The following LMO7 variants were observed in gnomAD, a reference collection of about 807,000 sequenced individuals.
The protein encoded by LMO7 is LIM domain only protein 7.
LMO7 carries 120 observed loss-of-function variants against 206.5 expected under a neutral mutation model. That is an observed-to-expected ratio of 0.58 (90% CI 0.50 to 0.68). LMO7 has a LOEUF of 0.68. LMO7 is among the 30% of genes least tolerant of loss of function. The pLI is 0.00. For missense variants in LMO7, 1,959 were observed against 1,957.9 expected, an observed-to-expected ratio of 1.00 and a Z score of -0.01; for synonymous variants, 706 against 681.5, an observed-to-expected ratio of 1.04 and a Z score of -0.56.
chr13:75,675,139 TG>T (rs2039902073), intron 1 of LMO7, among the ~76,000 whole-genome samples: 1 of 151,032 alleles, frequency 6.6e-6, no homozygotes, highest in Non-Finnish European at 1.5e-5. Context: ...TGCAGTGGCA[TG>T]ATCTTCACTC....
At position 75,841,687 on chromosome 13, in the gene LMO7, C is replaced by T. The variant is rs748246341; in HGVS notation, c.3735C>T (p.Ala1245=). The T allele has an allele frequency of 3.1e-6, 5 of 1,614,004 alleles. No individual in the cohort carries two copies. Among genetic ancestry groups the T allele is most frequent in the Non-Finnish European group, 4.2e-6 (5 of 1,180,018 alleles). The part of the protein sequence containing the change: ...MSLTTREPSL[A]TWEATWSEGS... ...TGACCACACGGGAGCCCTCTCTTGC[C>T]ACCTGGGAAGCTACCTGGAGTGAAG... The change falls in exon 24 of 31, where the codon GCC becomes GCT. Residue 1245 remains alanine, a synonymous_variant. Coordinates refer to ENST00000377534, the MANE Select transcript of LMO7 (RefSeq NM_001306080.2).
intron 4 of LMO7, among the ~76,000 whole-genome samples, chr13:75,789,243 T>A (rs2052904200): frequency 6.6e-6 from 1 of 152,182 alleles, no homozygotes; most frequent in Admixed American, 6.5e-5. Flanking sequence ...ATAACTGTAT[T>A]TGATCTTAAA....
intron 3 of LMO7, among the ~76,000 whole-genome samples, chr13:75,755,157 G>A (rs760625967): frequency 6.6e-6 from 1 of 152,082 alleles, no homozygotes; most frequent in Non-Finnish European, 1.5e-5. Context: ...GACCAAGGAG[G>A]TCTTTCAGAT....
chr13:75,805,853 CAGAGAA>C, intron 9 of LMO7, 93 bp downstream of exon 9: 1 of 1,321,910 alleles, frequency 7.6e-7, no homozygotes, highest in Non-Finnish European at 1.0e-6. Context: ...ATAAGAGAGA[CAGAGAA>C]AGTCTAATTA....
At chr13:75,851,506 C>T (rs2060502872) in intron 27 of LMO7, among the ~76,000 whole-genome samples, 1 of 152,176 alleles carries the variant, frequency 6.6e-6, no homozygotes, top group African/African-American at 2.4e-5. Context: ...CCCTCAGATG[C>T]CTTTCTCTGC....
chr13:75,780,240 G>A (rs371626534), intron 4 of LMO7, among the ~76,000 whole-genome samples: 1 of 152,128 alleles, frequency 6.6e-6, no homozygotes, highest in African/African-American at 2.4e-5. Context: ...TCGCCAGGCT[G>A]GAATTTCCCA....
intron 3 of LMO7, among the ~76,000 whole-genome samples, chr13:75,745,035 G>A (rs961383664): frequency 6.6e-6 from 1 of 152,174 alleles, no homozygotes. Context: ...AAAACAATGT[G>A]AATAAAGAAT....
chr13:75,713,143 C>A, intron 1 of LMO7, 39 bp from the exon 2 acceptor site: 1 of 1,494,522 alleles, frequency 6.7e-7, no homozygotes, highest in Non-Finnish European at 9.3e-7. Flanking sequence ...TGTGCTATCC[C>A]TGCTTAAGAG....
chr13:75,784,718 A>G (rs1307801319), intron 4 of LMO7, among the ~76,000 whole-genome samples: 5 of 152,320 alleles, frequency 3.3e-5, no homozygotes, highest in Non-Finnish European at 7.4e-5. Context: ...GGCATTTTAA[A>G]TGTGTTTAAT....
intron 2 of LMO7, among the ~76,000 whole-genome samples, chr13:75,715,570 A>ATCAGCAAT (rs2043467016): frequency 6.6e-6 from 1 of 152,224 alleles, no homozygotes; most frequent in African/African-American, 2.4e-5. Context: ...AGCCATGGTA[A>ATCAGCAAT]TCAGCAATTG....
chr13:75,707,897 C>G (rs2138009426), intron 1 of LMO7, among the ~76,000 whole-genome samples: 1 of 151,992 alleles, frequency 6.6e-6, no homozygotes, highest in Admixed American at 6.6e-5. Flanking sequence ...TACACATGAT[C>G]TTGCCTTTCT....
intron 11 of LMO7, among the ~76,000 whole-genome samples, chr13:75,813,225 T>G (rs2056617961): frequency 6.6e-6 from 1 of 152,220 alleles, no homozygotes; most frequent in South Asian, 2.1e-4. Flanking sequence ...ACTACAAAAG[T>G]TCTGGATTTT....
intron 1 of LMO7, among the ~76,000 whole-genome samples, chr13:75,706,935 G>C (rs2042702131): frequency 6.6e-6 from 1 of 151,898 alleles, no homozygotes; most frequent in Non-Finnish European, 1.5e-5. Flanking sequence ...TCTGAGCCTC[G>C]AATTTCATAC....
At chr13:75,675,147 A>G (rs2039902531) in intron 1 of LMO7, among the ~76,000 whole-genome samples, 2 of 148,172 alleles carry the variant, frequency 1.3e-5, no homozygotes, top group African/African-American at 5.0e-5. Flanking sequence ...CATGATCTTC[A>G]CTCATTGCAA....
Position 75,805,462 on chromosome 13 carries a change from T to A in LMO7, c.915-17T>A, listed in dbSNP as rs1217290606. The A allele has an allele frequency of 6.2e-7, 1 of 1,610,182 alleles. No homozygotes were observed. The highest frequency in any genetic ancestry group is 8.5e-7 in the Non-Finnish European group (1 of 1,177,598). ...AATGCTCATACAGTGTCTTAACCGG[T>A]TGGATGTTTTGAACAGTAATCAGAG... On this transcript the variant is annotated splice_polypyrimidine_tract_variant and intron_variant, in intron 8 of 30. Coordinates refer to ENST00000377534, the MANE Select transcript of LMO7 (RefSeq NM_001306080.2).
At position 75,842,870 on chromosome 13, in the gene LMO7, A is replaced by G. The variant is rs1309092830; in HGVS notation, c.4051A>G (p.Ile1351Val). 5 of 1,607,536 alleles carry G rather than the reference A, an allele frequency of 3.1e-6. No homozygotes were observed. The highest frequency in any genetic ancestry group is 1.7e-5 in the Admixed American group (1 of 59,986). The change falls in exon 25 of 31, where the codon ATA becomes GTA. Residue 1351 changes from isoleucine to valine, a missense_variant. Ile to Val is a conservative substitution (Grantham distance 29). Coordinates refer to ENST00000377534, the MANE Select transcript of LMO7 (RefSeq NM_001306080.2). ...QYRRPVDSYD[I>V]PKTEEASSGF... is the part of the protein sequence containing the mutation. Reference sequence around the variant, plus strand: ...TTTTAGGCCTGTTGATTCCTATGATATACCAAAGACAGAAGAAGCATCTTC... The same window carrying G: ...TTTTAGGCCTGTTGATTCCTATGATGTACCAAAGACAGAAGAAGCATCTTC...
intron 2 of LMO7, among the ~76,000 whole-genome samples, chr13:75,628,803 G>A (rs2034535700): frequency 6.6e-6 from 1 of 152,092 alleles, no homozygotes; most frequent in Admixed American, 6.6e-5. Flanking sequence ...ACACCATTCA[G>A]CCCCATCCCT....
chr13:75,709,485 C>T (rs985360551), intron 1 of LMO7, among the ~76,000 whole-genome samples: 6 of 151,848 alleles, frequency 4.0e-5, no homozygotes, highest in Non-Finnish European at 8.8e-5. Flanking sequence ...TTAATGATTG[C>T]CATTCTAACT....
chr13:75,800,586 C>A (rs17065062), intron 6 of LMO7, 98 bp from the exon 7 acceptor site: 1 of 1,110,806 alleles, frequency 9.0e-7, no homozygotes, highest in East Asian at 2.5e-5. Context: ...TCAAATAAAA[C>A]CCAACTTAAA....
Sources: gnomAD v4.1 joint callset for allele counts (sites outside exome capture counted in the v4.1 genomes callset) on GRCh38, gnomAD v4.1.1 for gene constraint, MANE v1.5 for transcripts, NCBI Gene and HGNC (gene_info 2026-07-23, HGNC 2026-07-21) for gene names.